The following SLC9A9 variants were observed in gnomAD, a reference collection of about 807,000 sequenced individuals.
SLC9A9 encodes solute carrier family 9 member A9.
In SLC9A9, 62 loss-of-function variants were observed where a neutral mutation model predicts 77.8. That is an observed-to-expected ratio of 0.80 (90% CI 0.65 to 0.98). The LOEUF (loss-of-function observed/expected upper bound fraction) is 0.98, where lower values mean the gene tolerates loss of function less well. Among genes scored for constraint, SLC9A9 ranks in the 50% least tolerant of loss-of-function variants. The pLI is 0.00. For missense variants in SLC9A9, 775 were observed against 774.9 expected, an observed-to-expected ratio of 1.00 and a Z score of 0.00; for synonymous variants, 320 against 283.5, an observed-to-expected ratio of 1.13 and a Z score of -1.29.
chr3:143,394,738 G>A (rs1415555224), intron 12 of SLC9A9, among the ~76,000 whole-genome samples: 3 of 152,154 alleles, frequency 2.0e-5, no homozygotes, highest in Non-Finnish European at 4.4e-5. Context: ...TAAGCTGATA[G>A]GCAACTTCAG....
At chr3:143,802,278 C>T (rs540595462) in intron 2 of SLC9A9, among the ~76,000 whole-genome samples, 103 of 152,284 alleles carry the variant, frequency 6.8e-4, no homozygotes, top group Middle Eastern at 3.4e-3. Flanking sequence ...GCCGCTAGCC[C>T]GCCTCTTAGA....
At chr3:143,713,953 A>G (rs1424458627) in intron 4 of SLC9A9, among the ~76,000 whole-genome samples, 3 of 152,230 alleles carry the variant, frequency 2.0e-5, no homozygotes, top group Admixed American at 1.3e-4. Flanking sequence ...ACAGCACTCA[A>G]AATCTGGCAC....
At chr3:143,614,426 G>A (rs79786592) in intron 6 of SLC9A9, among the ~76,000 whole-genome samples, 6 of 152,268 alleles carry the variant, frequency 3.9e-5, no homozygotes, top group Non-Finnish European at 7.4e-5. Flanking sequence ...GAGCCACAAA[G>A]CATATTCAAG....
At chr3:143,573,689 C>T (rs151297324) in intron 8 of SLC9A9, among the ~76,000 whole-genome samples, 1,611 of 152,214 alleles carry the variant, frequency 0.011, 27 homozygotes, top group African/African-American at 0.037. Context: ...CCCTAGAGAG[C>T]CTGCTAACAT....
chr3:143,501,737 T>C (rs2035927000), intron 9 of SLC9A9, among the ~76,000 whole-genome samples: 1 of 151,014 alleles, frequency 6.6e-6, no homozygotes, highest in Non-Finnish European at 1.5e-5. Context: ...TGTCTATTTA[T>C]ATCACGTAAC....
Position 143,755,935 on chromosome 3 carries a change from T to C in SLC9A9, c.533+39066A>G, listed in dbSNP as rs558767252. 4.6e-5 allele frequency among the ~76,000 whole-genome samples: 7 copies of C among 152,240 alleles called. No homozygotes were observed. The South Asian group carries it at 1.4e-3, about 32-fold the overall frequency. Reference sequence around the variant, plus strand: ...AGTTAAAGCAACTTGGCTCTAAATTTCTCCTTAAACTTCTTGGAAAAAGAA... The same window carrying C: ...AGTTAAAGCAACTTGGCTCTAAATTCCTCCTTAAACTTCTTGGAAAAAGAA... On this transcript the variant is annotated intron_variant, in intron 4 of 15. Transcript: ENST00000316549.
chr3:143,842,466 C>T (rs919484471), intron 1 of SLC9A9, among the ~76,000 whole-genome samples: 2 of 152,198 alleles, frequency 1.3e-5, no homozygotes, highest in African/African-American at 4.8e-5. Context: ...CCATTATTTT[C>T]CCTGTCTCTG....
chr3:143,372,778 C>G (rs1461994119), intron 13 of SLC9A9, among the ~76,000 whole-genome samples: 2 of 151,966 alleles, frequency 1.3e-5, no homozygotes, highest in African/African-American at 4.8e-5. Flanking sequence ...CAAATAATCC[C>G]ATCAAAAGGT....
At chr3:143,565,958 G>C (rs2037160931) in intron 8 of SLC9A9, among the ~76,000 whole-genome samples, 1 of 152,096 alleles carries the variant, frequency 6.6e-6, no homozygotes, top group Non-Finnish European at 1.5e-5. Flanking sequence ...TTCCCATCCA[G>C]TCATGCAGTG....
At chr3:143,806,287 G>A (rs893066946) in intron 2 of SLC9A9, among the ~76,000 whole-genome samples, 6 of 151,976 alleles carry the variant, frequency 3.9e-5, no homozygotes, top group African/African-American at 1.2e-4. Flanking sequence ...ATATCTGCCC[G>A]ATTTGCCATT....
chr3:143,577,988 A>G lies in SLC9A9; in HGVS notation c.894+597T>C, dbSNP rs1037489173. ...TTGGCTCAGATTCTCTAGAAACTCC[A>G]TCTATCATCCCAACTTCCTAACAAC... On this transcript the variant is annotated intron_variant, in intron 7 of 15. Transcript: ENST00000316549. Among the ~76,000 whole-genome samples the G allele has an allele frequency of 5.3e-5, 8 of 152,322 alleles. No individual in the cohort carries two copies. The East Asian group carries it at 9.7e-4, about 18-fold the overall frequency.
intron 11 of SLC9A9, among the ~76,000 whole-genome samples, chr3:143,489,964 T>C (rs2035711898): frequency 6.6e-6 from 1 of 152,222 alleles, no homozygotes; most frequent in South Asian, 2.1e-4. Flanking sequence ...AAAAGGGCAA[T>C]GAGCTATTAC....
intron 14 of SLC9A9, among the ~76,000 whole-genome samples, chr3:143,303,839 G>T (rs1216615723): frequency 6.6e-6 from 1 of 152,142 alleles, no homozygotes; most frequent in Non-Finnish European, 1.5e-5. Flanking sequence ...AGCCAAAAAA[G>T]ACTTAGATTC....
At chr3:143,586,284 A>G (rs1047339552) in intron 6 of SLC9A9, among the ~76,000 whole-genome samples, 7 of 152,228 alleles carry the variant, frequency 4.6e-5, no homozygotes, top group Non-Finnish European at 7.3e-5. Flanking sequence ...GTTTTCAGCC[A>G]TGGTTCCTAA....
chr3:143,319,963 G>A (rs977977596), intron 14 of SLC9A9, among the ~76,000 whole-genome samples: 2 of 152,182 alleles, frequency 1.3e-5, no homozygotes, highest in South Asian at 4.1e-4. Context: ...ATGGGCTGGT[G>A]CTGTCACCTG....
chr3:143,817,945 A>G (rs534235300), intron 2 of SLC9A9, among the ~76,000 whole-genome samples: 1 of 152,374 alleles, frequency 6.6e-6, no homozygotes, highest in African/African-American at 2.4e-5. Flanking sequence ...GTTAATTTTT[A>G]AAAGTCTGAC....
At chr3:143,604,160 A>T (rs2037887266) in intron 6 of SLC9A9, among the ~76,000 whole-genome samples, 1 of 151,970 alleles carries the variant, frequency 6.6e-6, no homozygotes, top group Non-Finnish European at 1.5e-5. Context: ...CCAGATACAC[A>T]TTTTTTTTAA....
intron 4 of SLC9A9, among the ~76,000 whole-genome samples, chr3:143,731,162 C>T (rs560523543): frequency 6.6e-6 from 1 of 152,180 alleles, no homozygotes; most frequent in African/African-American, 2.4e-5. Context: ...ATCACAATCA[C>T]TCTCTGGCAA....
chr3:143,800,309 G>C (rs959398648), intron 2 of SLC9A9, among the ~76,000 whole-genome samples: 1 of 151,894 alleles, frequency 6.6e-6, no homozygotes, highest in East Asian at 1.9e-4. Context: ...AAGGAGTAAA[G>C]CCTGTTATCA....
Sources: gnomAD v4.1 joint callset for allele counts (sites outside exome capture counted in the v4.1 genomes callset) on GRCh38, gnomAD v4.1.1 for gene constraint, MANE v1.5 for transcripts, NCBI Gene and HGNC (gene_info 2026-07-23, HGNC 2026-07-21) for gene names.